LARP4B: variants seen among roughly 807,000 people sequenced by gnomAD.
The protein encoded by LARP4B is la-related protein 4B.
Under a neutral mutation model 89.8 loss-of-function variants are expected in LARP4B, and 12 were observed. The observed-to-expected ratio is 0.13, with a 90% CI of 0.09 to 0.22. The LOEUF (loss-of-function observed/expected upper bound fraction) is 0.22, where lower values mean the gene tolerates loss of function less well. LARP4B is among the 10% of genes least tolerant of loss of function. The pLI, the probability that LARP4B is intolerant of heterozygous loss-of-function variation, is 1.00. For missense variants in LARP4B, 757 were observed against 947.7 expected (o/e 0.80, Z 2.64); for synonymous variants, 367 against 363.3 (o/e 1.01, Z -0.12).
chr10:810,831 T>C lies in LARP4B; in HGVS notation c.*2095A>G, dbSNP rs1184318811. 6.9e-6 allele frequency: 1 copy of C among 144,984 alleles called. No homozygotes were observed. The highest frequency in any genetic ancestry group is 1.5e-5 in the Non-Finnish European group (1 of 66,380). 9.0% of individuals were successfully genotyped at this position (144,984 alleles called of 1,614,324 possible). On this transcript the variant is annotated 3_prime_UTR_variant, in exon 18 of 18. Coordinates refer to ENST00000316157, the MANE Select transcript of LARP4B (RefSeq NM_015155.3). ...GTGAACTGACAACTACAAAAAAAAA[T>C]CCCCATGTTCTTTAAAATGCATTTG...
chr10:915,765 G>A (rs190053942), intron 1 of LARP4B, among the ~76,000 whole-genome samples: 11 of 151,162 alleles, frequency 7.3e-5, no homozygotes, highest in Admixed American at 5.3e-4. Context: ...CCCAGGAGGC[G>A]GAGGTTGCAG....
intron 1 of LARP4B, among the ~76,000 whole-genome samples, chr10:926,649 C>G (rs1837142282): frequency 6.6e-6 from 1 of 152,226 alleles, no homozygotes; most frequent in Non-Finnish European, 1.5e-5. Context: ...TTATGCACAT[C>G]AGACTTCATA....
intron 1 of LARP4B, among the ~76,000 whole-genome samples, chr10:918,310 A>C (rs1836881860): frequency 6.6e-6 from 1 of 152,122 alleles, no homozygotes; most frequent in African/African-American, 2.4e-5. Context: ...CAGCTTCTTC[A>C]TTTTAGGTCA....
chr10:820,826 GGTA>G lies in LARP4B; in HGVS notation c.1501_1503del (p.Tyr501del). On this transcript the variant is annotated inframe_deletion, in exon 14 of 18. Transcript: ENST00000316157. ...GTAAACTTCTCCTCCCTTTTCTTCC[GGTA>G]GCCAAAGGAATTCTTCCTAGAGGAG... 6.2e-7 allele frequency: 1 copy of G among 1,613,624 alleles called. No homozygotes were observed. The highest frequency in any genetic ancestry group is 8.5e-7 in the Non-Finnish European group (1 of 1,179,728).
chr10:807,788 G>A (rs1039894863), downstream of LARP4B: 13 of 152,390 alleles, frequency 8.5e-5, no homozygotes, highest in Admixed American at 5.2e-4. Flanking sequence ...GTGCACGAGG[G>A]TCTCTGGCTA....
intron 5 of LARP4B, among the ~76,000 whole-genome samples, chr10:861,882 C>T (rs1385198868): frequency 6.6e-6 from 1 of 152,136 alleles, no homozygotes; most frequent in East Asian, 1.9e-4. Context: ...CATTAGGATT[C>T]TCACTCCCTC....
chr10:905,351 GAATTT>G, intron 1 of LARP4B, among the ~76,000 whole-genome samples: 2 of 152,214 alleles, frequency 1.3e-5, no homozygotes, highest in East Asian at 3.9e-4. Flanking sequence ...CTCCTTTCTT[GAATTT>G]AATATTCCTA....
chr10:976,524 T>C, the LARP4B span, among the ~76,000 whole-genome samples: 2 of 145,888 alleles, frequency 1.4e-5, no homozygotes, highest in South Asian at 2.2e-4. Flanking sequence ...TTGCGTAATG[T>C]GCGGCCCGGC....
At chr10:935,705 CTTTTTTCTTTTCTTTTCT>C, upstream of LARP4B, among the ~76,000 whole-genome samples, 1 of 143,640 alleles carries the variant, frequency 7.0e-6, no homozygotes, top group Non-Finnish European at 1.5e-5. Context: ...TTTTCTTTTT[CTTTTTTCTTTTCTTTTCT>C]TTTTTTTTTT....
At chr10:909,870 T>C (rs940750160) in intron 1 of LARP4B, among the ~76,000 whole-genome samples, 4 of 152,088 alleles carry the variant, frequency 2.6e-5, no homozygotes, top group South Asian at 2.1e-4. Flanking sequence ...ACCTAAGACA[T>C]AGCAGTACCA....
intron 1 of LARP4B, among the ~76,000 whole-genome samples, chr10:918,169 C>A (rs893733865): frequency 6.6e-6 from 1 of 152,166 alleles, no homozygotes; most frequent in African/African-American, 2.4e-5. Context: ...TGACTGAGGG[C>A]TGAGAATGAG....
At chr10:830,503 T>C (rs1343917822) in intron 9 of LARP4B, among the ~76,000 whole-genome samples, 1 of 152,184 alleles carries the variant, frequency 6.6e-6, no homozygotes, top group Admixed American at 6.5e-5. Context: ...CTCAATACCA[T>C]TAAAAGCATC....
chr10:848,358 T>A (rs1298763563), intron 5 of LARP4B, among the ~76,000 whole-genome samples: 2 of 152,072 alleles, frequency 1.3e-5, no homozygotes, highest in Non-Finnish European at 2.9e-5. Flanking sequence ...TACTAAGCCC[T>A]GAATACAGTA....
the LARP4B span, among the ~76,000 whole-genome samples, chr10:960,385 G>A: frequency 1.3e-5 from 2 of 152,146 alleles, no homozygotes; most frequent in East Asian, 1.9e-4. Flanking sequence ...TGTAAACTGC[G>A]GACTAAGAAC....
chr10:967,916 G>A, the LARP4B span, among the ~76,000 whole-genome samples: 1 of 152,156 alleles, frequency 6.6e-6, no homozygotes, highest in Non-Finnish European at 1.5e-5. Context: ...TGGCCAGGCT[G>A]GTCTCGAACT....
At chr10:972,336 T>C in the LARP4B span, 12 of 382,716 alleles carry the variant, frequency 3.1e-5, no homozygotes, top group Non-Finnish European at 5.1e-5. Flanking sequence ...CCTCTCTCTG[T>C]CTCTTGCACC....
intron 1 of LARP4B, among the ~76,000 whole-genome samples, chr10:897,808 T>C (rs1836230295): frequency 4.6e-5 from 7 of 151,822 alleles, no homozygotes; most frequent in Admixed American, 4.6e-4. Context: ...GCCAACATGG[T>C]GAGACCCTGT....
rs1464165413 is a variant in LARP4B at position 817,874 on chromosome 10, A to G, written c.1546T>C (p.Ser516Pro). 2 of 1,613,804 alleles carry G rather than the reference A, an allele frequency of 1.2e-6. No individual in the cohort carries two copies. Among genetic ancestry groups the G allele is most frequent in the Admixed American group, 1.7e-5 (1 of 60,000 alleles). ...GACGGAGGCTTTGGTGGCGTTGGAG[A>G]CTGTGTCTGGCTGCTCTGCAACAGA... ...EEKFTSSQTQ[S>P]PTPPKPPSPS... The change falls in exon 15 of 18, where the codon TCT becomes CCT. Residue 516 changes from serine (S) to proline (P), a missense_variant. Transcript: ENST00000316157.
At chr10:966,760 G>A in the LARP4B span, among the ~76,000 whole-genome samples, 2 of 152,202 alleles carry the variant, frequency 1.3e-5, no homozygotes, top group African/African-American at 2.4e-5. Flanking sequence ...GCCTGGAGAA[G>A]GTGTGTTCTC....
Sources: gnomAD v4.1 joint callset for allele counts (sites outside exome capture counted in the v4.1 genomes callset) on GRCh38, gnomAD v4.1.1 for gene constraint, MANE v1.5 for transcripts, NCBI Gene and HGNC (gene_info 2026-07-23, HGNC 2026-07-21) for gene names.